The following CADPS variants were observed in gnomAD, a reference collection of about 807,000 sequenced individuals.
The protein encoded by CADPS is calcium dependent secretion activator.
In CADPS, 57 loss-of-function variants were observed where a neutral mutation model predicts 167.3. The observed-to-expected ratio is 0.34, with a 90% CI of 0.28 to 0.42. The LOEUF is 0.42. CADPS is among the 20% of genes least tolerant of loss of function. CADPS has a pLI of 1.00. For missense variants in CADPS, 1,414 were observed against 1,738.1 expected, an observed-to-expected ratio of 0.81 and a Z score of 3.32; for synonymous variants, 676 against 635.3, an observed-to-expected ratio of 1.06 and a Z score of -0.96.
chr3:62,399,633 T>TG lies in CADPS; in HGVS notation c.3883-49dup. On this transcript the variant is annotated intron_variant, in intron 29 of 29. Coordinates refer to ENST00000383710, the MANE Select transcript of CADPS (RefSeq NM_003716.4). This position sits in a 1 kb window ranked among gnomAD's most constrained non-coding sequence, Gnocchi z 5.6. Reference sequence around the variant, plus strand: ...GATAAGAGAGATCTCATCTCCATGATGGGGAGGGAGAAGGTAAAAGCAGGT... The same window carrying TG: ...GATAAGAGAGATCTCATCTCCATGATGGGGGAGGGAGAAGGTAAAAGCAGGT... The TG allele has an allele frequency of 6.6e-7, 1 of 1,525,216 alleles. No individual in the cohort carries two copies. The highest frequency in any genetic ancestry group is 9.1e-7 in the Non-Finnish European group (1 of 1,103,624). 94.5% of individuals were successfully genotyped at this position (1,525,216 alleles called of 1,614,324 possible).
At chr3:62,699,355 T>C (rs536133481) in intron 3 of CADPS, among the ~76,000 whole-genome samples, 1 of 152,040 alleles carries the variant, frequency 6.6e-6, no homozygotes, top group South Asian at 2.1e-4. Flanking sequence ...TCTTCTTAGC[T>C]CTGGCTGCAC....
intron 28 of CADPS, among the ~76,000 whole-genome samples, chr3:62,430,508 A>G (rs2053703759): frequency 6.6e-6 from 1 of 152,124 alleles, no homozygotes; most frequent in Non-Finnish European, 1.5e-5. Flanking sequence ...GGAGGGCATA[A>G]GTCATGAAAA....
At chr3:62,843,093 G>T (rs945945311) in intron 1 of CADPS, among the ~76,000 whole-genome samples, 1 of 151,982 alleles carries the variant, frequency 6.6e-6, no homozygotes, top group African/African-American at 2.4e-5. Context: ...TGTTTCACTG[G>T]ATAATTAACT....
At chr3:62,671,995 T>C (rs891117490) in intron 3 of CADPS, among the ~76,000 whole-genome samples, 1 of 152,086 alleles carries the variant, frequency 6.6e-6, no homozygotes, top group Admixed American at 6.6e-5. Context: ...TTGGCCCGGA[T>C]GGTCTCGATC....
intron 3 of CADPS, among the ~76,000 whole-genome samples, chr3:62,740,997 T>C (rs959393963): frequency 6.6e-5 from 10 of 152,236 alleles, no homozygotes; most frequent in Middle Eastern, 3.2e-3. Flanking sequence ...TGTATACTTA[T>C]TGAAGGCACT....
At chr3:62,450,910 A>C (rs1210354123) in intron 26 of CADPS, among the ~76,000 whole-genome samples, 1 of 152,184 alleles carries the variant, frequency 6.6e-6, no homozygotes, top group African/African-American at 2.4e-5. Flanking sequence ...ACTTGGCTTG[A>C]AGGCACATGA....
At chr3:62,407,175 CT>C (rs1308813444) in intron 28 of CADPS, among the ~76,000 whole-genome samples, 1 of 149,944 alleles carries the variant, frequency 6.7e-6, no homozygotes, top group Non-Finnish European at 1.5e-5. Context: ...TCTTTCTTCT[CT>C]TTTTTCTCTC....
At chr3:62,647,538 T>C (rs762494559) in intron 5 of CADPS, among the ~76,000 whole-genome samples, 2 of 152,206 alleles carry the variant, frequency 1.3e-5, no homozygotes, top group Non-Finnish European at 2.9e-5. Context: ...TGATTTGATG[T>C]TGAAGTCACT....
chr3:62,728,379 A>T (rs529869), intron 3 of CADPS, among the ~76,000 whole-genome samples: 14,416 of 151,472 alleles, frequency 0.095, 829 homozygotes, highest in South Asian at 0.16. Flanking sequence ...AATTAGGAAA[A>T]TTTTTTCTAT....
chr3:62,410,213 T>C (rs1268244374), intron 28 of CADPS, among the ~76,000 whole-genome samples: 5 of 152,212 alleles, frequency 3.3e-5, no homozygotes, highest in Non-Finnish European at 5.9e-5. Flanking sequence ...CCTTCTTTGA[T>C]TGAAAACTTG....
chr3:62,564,817 G>C (rs1182369903), intron 9 of CADPS, among the ~76,000 whole-genome samples: 1 of 152,050 alleles, frequency 6.6e-6, no homozygotes, highest in African/African-American at 2.4e-5. Context: ...ATATTGGCCA[G>C]GCTGGTCTCG....
rs527643882 is a variant in CADPS, at chr3:62,592,508, T to C, written c.1437+129A>G. ...GTCACCCAGCCAATGTAGAGTGGAG[T>C]CCAGGACTTAATGTTCAAAACTGAG... On this transcript the variant is annotated intron_variant, in intron 7 of 29. Coordinates refer to ENST00000383710, the MANE Select transcript of CADPS (RefSeq NM_003716.4). 1.4e-4 allele frequency: 98 copies of C among 681,420 alleles called. No homozygotes were observed. The South Asian group carries it at 1.7e-3, about 12-fold the overall frequency. 42.2% of individuals were successfully genotyped at this position (681,420 alleles called of 1,614,324 possible).
intron 6 of CADPS, among the ~76,000 whole-genome samples, chr3:62,633,090 C>T (rs1055934030): frequency 3.3e-5 from 5 of 152,004 alleles, no homozygotes; most frequent in South Asian, 2.1e-4. Context: ...TTGCAAACTC[C>T]GGAGAGAAGA....
intron 8 of CADPS, among the ~76,000 whole-genome samples, chr3:62,583,202 C>T (rs1263069472): frequency 7.0e-6 from 1 of 141,864 alleles, no homozygotes; most frequent in East Asian, 2.1e-4. Context: ...TACGTCTGTT[C>T]TGCTCACTCA....
intron 6 of CADPS, among the ~76,000 whole-genome samples, chr3:62,624,613 G>A (rs912366475): frequency 2.6e-5 from 4 of 151,816 alleles, no homozygotes; most frequent in African/African-American, 4.8e-5. Flanking sequence ...CTTGCTTCCT[G>A]TTTTACTGAG....
chr3:62,770,584 C>A (rs1349359634), intron 1 of CADPS, among the ~76,000 whole-genome samples: 2 of 152,078 alleles, frequency 1.3e-5, no homozygotes, highest in Non-Finnish European at 2.9e-5. Flanking sequence ...CACCAGCACG[C>A]CCAGCTAATT....
intron 28 of CADPS, among the ~76,000 whole-genome samples, chr3:62,413,056 T>A (rs1353253620): frequency 6.6e-6 from 1 of 152,198 alleles, no homozygotes; most frequent in Non-Finnish European, 1.5e-5. Flanking sequence ...AAGATATTGC[T>A]GGAAATGGTG....
intron 26 of CADPS, among the ~76,000 whole-genome samples, chr3:62,461,299 A>G (rs772246742): frequency 4.6e-5 from 7 of 152,230 alleles, no homozygotes; most frequent in Non-Finnish European, 8.8e-5. Flanking sequence ...TAATATAACC[A>G]TCATCATATT....
At position 62,412,250 on chromosome 3, in the gene CADPS, C is replaced by T. The variant is rs994752219; in HGVS notation, c.3778-9065G>A. ...CAGTGCTGTGGCTTTTCAGGATGGC[C>T]GGGTCCTAAAGTTTGGACGGCAGCT... is the stretch of plus-strand genomic sequence containing the variant. On this transcript the variant is annotated intron_variant, in intron 28 of 29. Coordinates refer to ENST00000383710, the MANE Select transcript of CADPS (RefSeq NM_003716.4). This position sits in a 1 kb window ranked among gnomAD's most constrained non-coding sequence, Gnocchi z 4.1. Among the ~76,000 whole-genome samples, 10 of 151,220 alleles carry T rather than the reference C, an allele frequency of 6.6e-5. No individual in the cohort carries two copies. Among genetic ancestry groups the T allele is most frequent in the African/African-American group, 1.5e-4 (6 of 41,126 alleles).
Sources: allele counts gnomAD v4.1 joint callset (sites outside exome capture counted in the v4.1 genomes callset), GRCh38; gene constraint gnomAD v4.1.1; non-coding constraint Gnocchi (gnomAD v3.1); transcripts MANE v1.5; gene names NCBI Gene and HGNC (gene_info 2026-07-23, HGNC 2026-07-21).